The following UGT1A4 variants were observed in gnomAD, a reference collection of about 807,000 sequenced individuals.
UGT1A4 encodes UDP glucuronosyltransferase family 1 member A4.
In UGT1A4, 32 loss-of-function variants were observed where a neutral mutation model predicts 41.1. The observed-to-expected ratio is 0.78, with a 90% CI of 0.59 to 1.05. The LOEUF (loss-of-function observed/expected upper bound fraction) is 1.05. Among genes scored for constraint, UGT1A4 ranks in the 50% least tolerant of loss-of-function variants. UGT1A4 has a pLI of 0.00. For synonymous variants in UGT1A4, 283 were observed against 265.1 expected (o/e 1.07, Z -0.66); for missense variants, 748 against 677.4 (o/e 1.10, Z -1.16).
Position 233,768,249 on chromosome 2 carries a change from C to G in UGT1A4, c.1117C>G (p.His373Asp). 6.2e-7 allele frequency: 1 copy of G among 1,614,198 alleles called. No homozygotes were observed. Among genetic ancestry groups the G allele is most frequent in the East Asian group, 2.2e-5 (1 of 44,878 alleles). The change falls in exon 4 of 5, where the codon CAT becomes GAT. Residue 373 changes from histidine to aspartate, a missense_variant. Transcript: ENST00000373409. ...CCCGATGACCCGTGCCTTTATCACCCATGCTGGTTCCCATGGTGTTTATGA... is the reference window on the plus strand; with the variant it reads ...CCCGATGACCCGTGCCTTTATCACCGATGCTGGTTCCCATGGTGTTTATGA... ...GHPMTRAFITHAGSHGVYESI... is the reference protein window; with the variant it reads ...GHPMTRAFITDAGSHGVYESI...
chr2:233,758,463 T>A (rs1240923270), intron 1 of UGT1A4, among the ~76,000 whole-genome samples: 1 of 152,228 alleles, frequency 6.6e-6, no homozygotes, highest in Admixed American at 6.5e-5. Flanking sequence ...ATTATCACCC[T>A]TAAGGTTTAA....
intron 1 of UGT1A4, among the ~76,000 whole-genome samples, chr2:233,739,936 GT>G (rs143578493): frequency 0.012 from 1,757 of 151,974 alleles, 85 homozygotes; most frequent in African/African-American, 0.041. Flanking sequence ...ATGTGTTAAG[GT>G]TGGTACCTGG....
rs1355599661 is a variant in UGT1A4, at chr2:233,766,653, G to C, written c.868-381G>C. Among the ~76,000 whole-genome samples the C allele has an allele frequency of 2.6e-5, 4 of 152,090 alleles. No individual in the cohort carries two copies. In the East Asian group the frequency reaches 7.7e-4, roughly 29 times the overall value. On this transcript the variant is annotated intron_variant, in intron 1 of 4. Transcript: ENST00000373409. ...TCCCTACTTCCATATCATTTAAAGG[G>C]ACCACGCCCTTCCCAGCTCTTCCCT...
chr2:233,771,027 G>T (rs186703216), intron 4 of UGT1A4: 5 of 152,078 alleles, frequency 3.3e-5, no homozygotes, highest in Admixed American at 1.3e-4. Flanking sequence ...GAGAGAGTTG[G>T]GGGGGAAGGT....
chr2:233,745,134 A>C (rs1693022664), intron 1 of UGT1A4, among the ~76,000 whole-genome samples: 1 of 151,864 alleles, frequency 6.6e-6, no homozygotes, highest in Admixed American at 6.5e-5. Context: ...TGCAGATGTG[A>C]AGCCCAAGTA....
chr2:233,723,051 G>C (rs1327620442), intron 1 of UGT1A4, among the ~76,000 whole-genome samples: 1 of 141,468 alleles, frequency 7.1e-6, no homozygotes, highest in African/African-American at 2.7e-5. Flanking sequence ...GGCACACTCG[G>C]TGTAACTTTA....
intron 1 of UGT1A4, chr2:233,760,660 T>C: frequency 6.2e-7 from 1 of 1,614,244 alleles, no homozygotes; most frequent in Non-Finnish European, 8.5e-7. Flanking sequence ...TATGCTTTTG[T>C]CTGGCTGTTC....
chr2:233,765,074 T>C (rs1191317330), intron 1 of UGT1A4, among the ~76,000 whole-genome samples: 1 of 152,100 alleles, frequency 6.6e-6, no homozygotes, highest in African/African-American at 2.4e-5. Context: ...GTCTCCTGTG[T>C]CTCACATCTA....
intron 1 of UGT1A4, among the ~76,000 whole-genome samples, chr2:233,726,490 A>G (rs1018166677): frequency 6.6e-6 from 1 of 151,932 alleles, no homozygotes; most frequent in Non-Finnish European, 1.5e-5. Flanking sequence ...CTTTTTCCTT[A>G]TTAATTTTGG....
intron 4 of UGT1A4, chr2:233,771,560 G>A (rs1700329109): frequency 6.6e-6 from 1 of 152,164 alleles, no homozygotes; most frequent in South Asian, 2.1e-4. Flanking sequence ...TGTTAATTTG[G>A]CCAGAGGTGG....
At position 233,769,704 on chromosome 2, in the gene UGT1A4, T is replaced by A; in HGVS notation, c.1307+1265T>A. 6.6e-7 allele frequency: 1 copy of A among 1,519,548 alleles called. No homozygotes were observed. Among genetic ancestry groups the A allele is most frequent in the Non-Finnish European group, 8.8e-7 (1 of 1,132,514 alleles). 94.1% of individuals were successfully genotyped at this position (1,519,548 alleles called of 1,614,324 possible). On this transcript the variant is annotated intron_variant, in intron 4 of 4. Transcript: ENST00000373409. This position sits in a 1 kb window ranked among gnomAD's most constrained non-coding sequence, Gnocchi z 4.4. ...GTGGTGGCACTGGATAAAAGATCAA[T>A]GTTGGCTAGGCACCATGGCACACGC... is the stretch of plus-strand genomic sequence containing the variant.
At chr2:233,755,342 A>G in intron 1 of UGT1A4, 1 of 423,680 alleles carries the variant, frequency 2.4e-6, no homozygotes, top group Non-Finnish European at 4.1e-6. Flanking sequence ...CGCACAGGTC[A>G]GAGGCTTGGC....
At chr2:233,764,888 CAA>C (rs869174020) in intron 1 of UGT1A4, among the ~76,000 whole-genome samples, 32 of 147,518 alleles carry the variant, frequency 2.2e-4, no homozygotes, top group African/African-American at 8.0e-4. Flanking sequence ...AAGGCAAAGA[CAA>C]AGCCCTTAAG....
intron 1 of UGT1A4, chr2:233,743,818 G>T: frequency 1.5e-6 from 2 of 1,367,270 alleles, no homozygotes; most frequent in Non-Finnish European, 2.0e-6. Context: ...CAGGGTTTTT[G>T]TCGGGGTGCC....
At chr2:233,731,557 A>C (rs2078177814) in intron 1 of UGT1A4, among the ~76,000 whole-genome samples, 1 of 152,126 alleles carries the variant, frequency 6.6e-6, no homozygotes, top group Non-Finnish European at 1.5e-5. Context: ...TCCATGTGAT[A>C]GTTTGCTGAG....
At chr2:233,740,403 G>A (rs1262585608) in intron 1 of UGT1A4, among the ~76,000 whole-genome samples, 1 of 151,904 alleles carries the variant, frequency 6.6e-6, no homozygotes, top group Non-Finnish European at 1.5e-5. Context: ...TCCCAAAATG[G>A]GGAAGTCTCT....
intron 1 of UGT1A4, chr2:233,761,004 G>A: frequency 6.2e-7 from 1 of 1,614,118 alleles, no homozygotes; most frequent in African/African-American, 1.3e-5. Flanking sequence ...AATTCCTTCA[G>A]AGAGAGGTGA....
At chr2:233,736,981 G>C (rs1363558721) in intron 1 of UGT1A4, among the ~76,000 whole-genome samples, 4 of 152,198 alleles carry the variant, frequency 2.6e-5, no homozygotes, top group Non-Finnish European at 5.9e-5. Flanking sequence ...TCCCAGTCAA[G>C]ATACACAGAG....
chr2:233,719,025 A>G lies in UGT1A4; in HGVS notation c.205A>G (p.Ile69Val). ...CCTCACCCCAGAGGTGAATATGCAC[A>G]TCAAAGAAGAGAAATTTTTCACCCT... is the stretch of plus-strand genomic sequence containing the variant. ...VVLTPEVNMHIKEEKFFTLTA... is the reference protein window; with the variant it reads ...VVLTPEVNMHVKEEKFFTLTA... Residue 69 changes from isoleucine (I) to valine (V), a missense_variant, in exon 1 of 5, where the codon ATC (isoleucine) becomes GTC (valine). By Grantham distance (29) the Ile-to-Val change is conservative. Coordinates refer to ENST00000373409, the MANE Select transcript of UGT1A4 (RefSeq NM_007120.3). 1 of 1,614,266 alleles carries G rather than the reference A, an allele frequency of 6.2e-7. No homozygotes were observed. Among genetic ancestry groups the G allele is most frequent in the Admixed American group, 1.7e-5 (1 of 60,034 alleles).
Sources: allele counts gnomAD v4.1 joint callset (sites outside exome capture counted in the v4.1 genomes callset), GRCh38; gene constraint gnomAD v4.1.1; non-coding constraint Gnocchi (gnomAD v3.1); transcripts MANE v1.5; gene names NCBI Gene and HGNC (gene_info 2026-07-23, HGNC 2026-07-21).